Variants in TTC23 observed in about 807,000 individuals in gnomAD.
TTC23 encodes the protein tetratricopeptide repeat domain 23, also known as tetratricopeptide repeat protein 23.
Under a neutral mutation model 55.1 loss-of-function variants are expected in TTC23, and 58 were observed. The ratio of observed to expected loss-of-function variants is 1.05; its 90% confidence interval spans 0.85 to 1.31. TTC23 has a LOEUF of 1.31. Among genes scored for constraint, TTC23 ranks in the 50% most tolerant of loss-of-function variants. TTC23 has a pLI of 0.00. For synonymous variants in TTC23, 203 were observed against 199.9 expected, an observed-to-expected ratio of 1.02 and a Z score of -0.13; for missense variants, 516 against 534.4, an observed-to-expected ratio of 0.97 and a Z score of 0.34.
chr15:99,218,835 C>T (rs1008730084), intron 7 of TTC23, 63 bp downstream of exon 7: 42 of 1,594,676 alleles, frequency 2.6e-5, no homozygotes, highest in Admixed American at 1.2e-4. Context: ...CAGCTTTTTA[C>T]TTGGCGTGTA....
At chr15:99,231,639 C>T (rs1419649349) in intron 4 of TTC23, among the ~76,000 whole-genome samples, 4 of 150,482 alleles carry the variant, frequency 2.7e-5, no homozygotes, top group Non-Finnish European at 5.9e-5. Flanking sequence ...ACTACAGGCG[C>T]CCGCCACCAT....
intron 12 of TTC23, chr15:99,145,260 G>A (rs1463340361): frequency 6.6e-6 from 1 of 152,218 alleles, no homozygotes; most frequent in Non-Finnish European, 1.5e-5. Context: ...TGGCTACTTC[G>A]GGGATGGAGT....
intron 6 of TTC23, 53 bp downstream of exon 6, chr15:99,221,688 G>C: frequency 6.2e-7 from 1 of 1,606,140 alleles, no homozygotes; most frequent in Non-Finnish European, 8.5e-7. Context: ...CAAATTTTGG[G>C]GAGAACAGCA....
intron 9 of TTC23, among the ~76,000 whole-genome samples, chr15:99,192,536 G>C (rs60899471): frequency 0.016 from 2,468 of 152,304 alleles, 70 homozygotes; most frequent in African/African-American, 0.056. Context: ...TGTTGAGCCT[G>C]TGAATGCACA....
intron 12 of TTC23, chr15:99,155,943 A>G (rs2070481639): frequency 1.7e-6 from 1 of 604,888 alleles, no homozygotes; most frequent in South Asian, 2.8e-5. Flanking sequence ...CTGATAATTC[A>G]TTTAAAAAAT....
Position 99,219,029 on chromosome 15 carries a change from T to A in TTC23, c.324A>T (p.Lys108Asn). Reference sequence around the variant, plus strand: ...TTTGTCTGGCTTTTTCTGCATGTTGTTTTGCTTGCAGTGACAGTCCTGTGG... The same window carrying A: ...TTTGTCTGGCTTTTTCTGCATGTTGATTTGCTTGCAGTGACAGTCCTGTGG... ...LQLKGLSLQA[K>N]QHAEKARQIL... The change falls in exon 7 of 14, where the codon AAA (lysine) becomes AAT (asparagine). Residue 108 changes from lysine (K) to asparagine (N), a missense_variant. By Grantham distance (94) the Lys-to-Asn change is moderately conservative (BLOSUM62 0). Transcript: ENST00000394132. 1 of 1,614,126 alleles carries A rather than the reference T, an allele frequency of 6.2e-7. No homozygotes were observed. Among genetic ancestry groups the A allele is most frequent in the Non-Finnish European group, 8.5e-7 (1 of 1,180,002 alleles).
chr15:99,149,081 G>A (rs1385272927), intron 12 of TTC23, among the ~76,000 whole-genome samples: 5 of 152,182 alleles, frequency 3.3e-5, no homozygotes, highest in East Asian at 3.9e-4. Flanking sequence ...AGCCACCGTC[G>A]CCGGGTGGTG....
chr15:99,151,991 T>C (rs1277855948), intron 12 of TTC23, among the ~76,000 whole-genome samples: 3 of 152,220 alleles, frequency 2.0e-5, no homozygotes, highest in Non-Finnish European at 2.9e-5. Flanking sequence ...GTTTGTATAT[T>C]TGTCCCCACC....
chr15:99,163,436 C>T (rs948760195), intron 10 of TTC23, among the ~76,000 whole-genome samples: 2 of 152,202 alleles, frequency 1.3e-5, no homozygotes, highest in African/African-American at 4.8e-5. Context: ...GAAAGCACCC[C>T]AACCTCCAGT....
chr15:99,198,712 A>G (rs73463359), intron 9 of TTC23, among the ~76,000 whole-genome samples: 5,222 of 152,274 alleles, frequency 0.034, 324 homozygotes, highest in African/African-American at 0.12. Flanking sequence ...CAGGGTGGTA[A>G]TAATGATTAA....
rs2080532920 is a variant in TTC23, at chr15:99,249,404, T to A, written c.-664A>T. On this transcript the variant is annotated 5_prime_UTR_variant, in exon 1 of 14. Transcript: ENST00000394132. ...TCCCTTGCCAGTTTACCCAGTCTGC[T>A]GGAGAGGCTCACCGTTTCTTTTTCG... is the stretch of plus-strand genomic sequence containing the variant. The A allele has an allele frequency of 6.6e-6, 1 of 152,272 alleles. No homozygotes were observed. The highest frequency in any genetic ancestry group is 2.4e-5 in the African/African-American group (1 of 41,478). The allele number at this position is 152,272 out of a possible 1,614,324, so 9.4% of individuals were successfully genotyped here.
At chr15:99,205,848 G>A (rs1311018363) in intron 8 of TTC23, among the ~76,000 whole-genome samples, 1 of 151,894 alleles carries the variant, frequency 6.6e-6, no homozygotes, top group Non-Finnish European at 1.5e-5. Context: ...GTACTATGTT[G>A]AATAAAAATG....
chr15:99,148,455 A>G (rs1555495159), intron 12 of TTC23: 3 of 149,960 alleles, frequency 2.0e-5, no homozygotes, highest in African/African-American at 7.3e-5. Flanking sequence ...CTCCTTTCAT[A>G]AAAAGATTCA....
Position 99,203,691 on chromosome 15 carries a change from CT to C in TTC23, c.582-3596del, listed in dbSNP as rs140833020. Among the ~76,000 whole-genome samples, 970 of 151,420 alleles carry C rather than the reference CT, an allele frequency of 6.4e-3. 3 individuals carry two copies. Among genetic ancestry groups the C allele is most frequent in the Non-Finnish European group, 0.01 (680 of 67,820 alleles). On this transcript the variant is annotated intron_variant, in intron 8 of 13. Transcript: ENST00000394132. The stretch of plus-strand genomic sequence containing the variant: ...CTCTATCTCCATGAGTTCAATTTTT[CT>C]TTTTTTTCTTTCTTTTTTTTTTAAA...
chr15:99,162,802 G>A lies in TTC23; in HGVS notation c.866-935C>T, dbSNP rs189984792. On this transcript the variant is annotated intron_variant, in intron 10 of 13. Transcript: ENST00000394132. ...ACTTGAAGAAAACGAGATTATGGCCGGGGGTGGTGGCTCACACTTGTAATC... is the reference window on the plus strand; with the variant it reads ...ACTTGAAGAAAACGAGATTATGGCCAGGGGTGGTGGCTCACACTTGTAATC... 6.6e-5 allele frequency among the ~76,000 whole-genome samples: 10 copies of A among 152,188 alleles called. No individual in the cohort carries two copies. The East Asian group carries it at 1.2e-3, about 18-fold the overall frequency.
chr15:99,197,366 T>C (rs1160990931), intron 9 of TTC23, among the ~76,000 whole-genome samples: 2 of 152,022 alleles, frequency 1.3e-5, no homozygotes, highest in Non-Finnish European at 2.9e-5. Context: ...CCTCCCAAAG[T>C]GCTGGGATTA....
At chr15:99,162,585 A>T (rs966122935) in intron 10 of TTC23, among the ~76,000 whole-genome samples, 4 of 152,128 alleles carry the variant, frequency 2.6e-5, no homozygotes, top group African/African-American at 4.8e-5. Flanking sequence ...AGGACTAGGG[A>T]TGAAGCCTGA....
chr15:99,158,501 G>A (rs1310920486), intron 11 of TTC23: 2 of 152,234 alleles, frequency 1.3e-5, no homozygotes, highest in Non-Finnish European at 2.9e-5. Context: ...GGAGTGAAGA[G>A]TAAAGAGGAC....
At chr15:99,248,489 A>G (rs2080454796) in intron 1 of TTC23, among the ~76,000 whole-genome samples, 1 of 152,132 alleles carries the variant, frequency 6.6e-6, no homozygotes, top group African/African-American at 2.4e-5. Context: ...TAGGGATGCC[A>G]CTTCCCTTAT....
Sources: gnomAD v4.1 joint callset for allele counts (sites outside exome capture counted in the v4.1 genomes callset) on GRCh38, gnomAD v4.1.1 for gene constraint, MANE v1.5 for transcripts, NCBI Gene and HGNC (gene_info 2026-07-23, HGNC 2026-07-21) for gene names.